RSPO2: variants seen among roughly 807,000 people sequenced by gnomAD.
RSPO2 encodes the protein R-spondin 2.
A neutral mutation model predicts 30.9 loss-of-function variants in RSPO2; 14 were observed. That is an observed-to-expected ratio of 0.45 (90% CI 0.30 to 0.71). The LOEUF is 0.71. Ranked by LOEUF, RSPO2 falls within the 30% of genes least tolerant of loss-of-function variation. RSPO2 has a pLI of 0.08. For missense variants in RSPO2, 264 were observed against 301.9 expected, an observed-to-expected ratio of 0.87 and a Z score of 0.93; for synonymous variants, 107 against 96.4, an observed-to-expected ratio of 1.11 and a Z score of -0.64.
At chr8:107,939,660 A>C (rs1812830766) in intron 5 of RSPO2, among the ~76,000 whole-genome samples, 1 of 151,956 alleles carries the variant, frequency 6.6e-6, no homozygotes, top group African/African-American at 2.4e-5. Flanking sequence ...CCCATAAAGC[A>C]CCTTCTCAAC....
At chr8:107,924,093 TAA>T (rs35777465) in intron 5 of RSPO2, among the ~76,000 whole-genome samples, 3 of 146,382 alleles carry the variant, frequency 2.0e-5, no homozygotes, top group Admixed American at 6.8e-5. Context: ...AACATACAAT[TAA>T]AAAAAAAAAG....
At chr8:108,013,872 C>T (rs1181414893) in intron 2 of RSPO2, among the ~76,000 whole-genome samples, 2 of 152,298 alleles carry the variant, frequency 1.3e-5, no homozygotes, top group African/African-American at 4.8e-5. Context: ...AACTAAAGAG[C>T]TTCTGCACAG....
intron 5 of RSPO2, among the ~76,000 whole-genome samples, chr8:107,948,360 G>T (rs536078806): frequency 6.6e-6 from 1 of 152,314 alleles, no homozygotes; most frequent in East Asian, 1.9e-4. Context: ...GAAGTAGGTT[G>T]AAAGAGAAAT....
intron 5 of RSPO2, among the ~76,000 whole-genome samples, chr8:107,926,952 TG>T (rs1428952705): frequency 3.9e-5 from 6 of 152,286 alleles, no homozygotes; most frequent in South Asian, 4.1e-4. Flanking sequence ...GGTAGCTTGA[TG>T]GGGATGGCAT....
chr8:108,018,767 T>C (rs1483744094), intron 2 of RSPO2, among the ~76,000 whole-genome samples: 3 of 152,208 alleles, frequency 2.0e-5, no homozygotes, highest in South Asian at 2.1e-4. Flanking sequence ...CTAAGATATA[T>C]TTTCTGTAAA....
rs998923379 is a variant in RSPO2, at chr8:107,899,780, T to C, written c.*1295A>G. ...AAAACTGGTTCCCCTAAAAGGACAA[T>C]GATGTGTTTGAAACAACTGCTCTGA... On this transcript the variant is annotated 3_prime_UTR_variant, in exon 6 of 6. Transcript: ENST00000276659. 1 of 152,206 alleles carries C rather than the reference T, an allele frequency of 6.6e-6. No homozygotes were observed. Among genetic ancestry groups the C allele is most frequent in the African/African-American group, 2.4e-5 (1 of 41,456 alleles). The allele number at this position is 152,206 out of a possible 1,614,324, so 9.4% of individuals were successfully genotyped here.
At chr8:107,988,300 C>T (rs959365098) in intron 3 of RSPO2, among the ~76,000 whole-genome samples, 3 of 151,552 alleles carry the variant, frequency 2.0e-5, no homozygotes, top group Admixed American at 6.6e-5. Context: ...ACACCTTTAC[C>T]ATATATTTAA....
At chr8:108,048,436 C>T (rs1287830832) in intron 2 of RSPO2, among the ~76,000 whole-genome samples, 1 of 151,706 alleles carries the variant, frequency 6.6e-6, no homozygotes, top group Admixed American at 6.6e-5. Flanking sequence ...AACCATAGCA[C>T]TTCAGTAATG....
intron 5 of RSPO2, among the ~76,000 whole-genome samples, chr8:107,926,432 T>C (rs973193350): frequency 6.6e-6 from 1 of 152,156 alleles, no homozygotes; most frequent in Non-Finnish European, 1.5e-5. Context: ...AATTTTGGCT[T>C]TTGTTGCCAT....
At chr8:108,000,813 A>G (rs1223573845) in intron 2 of RSPO2, among the ~76,000 whole-genome samples, 2 of 152,094 alleles carry the variant, frequency 1.3e-5, no homozygotes, top group Non-Finnish European at 2.9e-5. Context: ...GATCCTGGCT[A>G]ACACAGTGAA....
intron 5 of RSPO2, among the ~76,000 whole-genome samples, chr8:107,902,261 T>C (rs1276601736): frequency 6.6e-6 from 1 of 152,158 alleles, no homozygotes; most frequent in African/African-American, 2.4e-5. Context: ...GAAAGAATCC[T>C]GTTGGCTGTT....
At chr8:107,915,523 A>C (rs1481113506) in intron 5 of RSPO2, among the ~76,000 whole-genome samples, 3 of 152,062 alleles carry the variant, frequency 2.0e-5, no homozygotes, top group African/African-American at 7.2e-5. Flanking sequence ...GAATAGAAGG[A>C]TAGTTTGGAA....
intron 3 of RSPO2, among the ~76,000 whole-genome samples, chr8:107,982,259 C>T (rs141975277): frequency 0.022 from 3,338 of 152,154 alleles, 87 homozygotes; most frequent in East Asian, 0.11. Flanking sequence ...TTTTCTTATA[C>T]ATAAATTTGG....
At chr8:107,991,020 C>T (rs948293050) in intron 2 of RSPO2, among the ~76,000 whole-genome samples, 2 of 152,112 alleles carry the variant, frequency 1.3e-5, no homozygotes, top group East Asian at 1.9e-4. Context: ...AACCTGAGGT[C>T]GGGAGTTTGG....
intron 4 of RSPO2, among the ~76,000 whole-genome samples, chr8:107,959,082 A>G (rs1360356604): frequency 6.6e-6 from 1 of 152,246 alleles, no homozygotes; most frequent in African/African-American, 2.4e-5. Context: ...GACAGAAGAC[A>G]AAATTTTACA....
chr8:107,973,442 A>G (rs1327763985), intron 3 of RSPO2, among the ~76,000 whole-genome samples: 3 of 152,268 alleles, frequency 2.0e-5, no homozygotes, highest in African/African-American at 7.2e-5. Flanking sequence ...GAAAGAAAAA[A>G]GAATCTCAGA....
chr8:107,983,185 G>A, intron 3 of RSPO2: 2 of 1,555,142 alleles, frequency 1.3e-6, no homozygotes, highest in Non-Finnish European at 1.7e-6. Context: ...TTTATTAGCT[G>A]TAGGCAAATA....
chr8:108,025,376 G>T (rs982205468), intron 2 of RSPO2, among the ~76,000 whole-genome samples: 1 of 152,190 alleles, frequency 6.6e-6, no homozygotes, highest in Non-Finnish European at 1.5e-5. Flanking sequence ...AAACAGAGAA[G>T]TTTAAAGGAG....
chr8:107,990,282 A>G (rs766356349), intron 2 of RSPO2, among the ~76,000 whole-genome samples: 2 of 152,202 alleles, frequency 1.3e-5, no homozygotes, highest in Non-Finnish European at 2.9e-5. Context: ...ATACATGATT[A>G]GTAGTTACTA....
Sources: gnomAD v4.1 joint callset for allele counts (sites outside exome capture counted in the v4.1 genomes callset) on GRCh38, gnomAD v4.1.1 for gene constraint, MANE v1.5 for transcripts, NCBI Gene and HGNC (gene_info 2026-07-23, HGNC 2026-07-21) for gene names.